Variants in AJAP1 observed in about 807,000 individuals in gnomAD.
AJAP1 encodes adherens junction-associated protein 1.
Under a neutral mutation model 35.0 loss-of-function variants are expected in AJAP1, and 5 were observed. The observed-to-expected ratio is 0.14, with a 90% CI of 0.07 to 0.30. The LOEUF (loss-of-function observed/expected upper bound fraction) is 0.30, where lower values mean the gene tolerates loss of function less well. Ranked by LOEUF, AJAP1 falls within the 10% of genes least tolerant of loss-of-function variation. The pLI is 1.00. For missense variants in AJAP1, 586 were observed against 571.0 expected, an observed-to-expected ratio of 1.03 and a Z score of -0.27; for synonymous variants, 284 against 249.3, an observed-to-expected ratio of 1.14 and a Z score of -1.31.
chr1:4,724,824 G>A (rs3820253), intron 2 of AJAP1, among the ~76,000 whole-genome samples: 15,045 of 152,256 alleles, frequency 0.099, 1,329 homozygotes, highest in East Asian at 0.49. Flanking sequence ...TGCAGATCTT[G>A]CAATCTTTAG....
chr1:4,745,299 T>C (rs1288624339), intron 2 of AJAP1, among the ~76,000 whole-genome samples: 5 of 151,144 alleles, frequency 3.3e-5, no homozygotes, highest in African/African-American at 1.2e-4. Context: ...CTGTTGTGGG[T>C]ATGTGTGTCG....
intron 2 of AJAP1, among the ~76,000 whole-genome samples, chr1:4,740,616 T>C (rs977669765): frequency 1.3e-5 from 2 of 151,406 alleles, no homozygotes; most frequent in Admixed American, 6.6e-5. Flanking sequence ...AAACCCCGTC[T>C]CTACTAAAAA....
At chr1:4,714,758 G>A (rs1362518043) in intron 2 of AJAP1, among the ~76,000 whole-genome samples, 1 of 152,210 alleles carries the variant, frequency 6.6e-6, no homozygotes, top group Non-Finnish European at 1.5e-5. Flanking sequence ...GGGCCACAGG[G>A]AAGGGAACAG....
chr1:4,716,710 AGAT>A (rs201609024), intron 2 of AJAP1, among the ~76,000 whole-genome samples: 3,407 of 142,628 alleles, frequency 0.024, 124 homozygotes, highest in African/African-American at 0.089. Flanking sequence ...GGTGATAGAG[AGAT>A]GATGATGATG....
intron 2 of AJAP1, among the ~76,000 whole-genome samples, chr1:4,724,078 C>A (rs997949945): frequency 5.3e-5 from 8 of 152,198 alleles, no homozygotes; most frequent in Non-Finnish European, 8.8e-5. Context: ...GGAATGAAAT[C>A]CCATGGGTAC....
chr1:4,660,347 T>C (rs774999078), intron 1 of AJAP1, among the ~76,000 whole-genome samples: 6 of 152,088 alleles, frequency 3.9e-5, no homozygotes, highest in Non-Finnish European at 7.4e-5. Context: ...AAAGAGGGTG[T>C]GGTTACAAAA....
intron 2 of AJAP1, among the ~76,000 whole-genome samples, chr1:4,768,790 T>G (rs574845243): frequency 6.6e-6 from 1 of 152,302 alleles, no homozygotes; most frequent in East Asian, 1.9e-4. Flanking sequence ...AAAGTGGACC[T>G]TCCGAGTAGC....
At chr1:4,755,020 G>A (rs955815430) in intron 2 of AJAP1, among the ~76,000 whole-genome samples, 2 of 152,172 alleles carry the variant, frequency 1.3e-5, no homozygotes, top group Non-Finnish European at 2.9e-5. Flanking sequence ...CTGCCTTGGA[G>A]CCAGGTGGTA....
In AJAP1 at chr1:4,655,848, G is replaced by C. The variant is rs1157651367; in HGVS notation, c.29+394G>C. Among the ~76,000 whole-genome samples, 1 of 150,628 alleles carries C rather than the reference G, an allele frequency of 6.6e-6. No homozygotes were observed. The highest frequency in any genetic ancestry group is 2.4e-5 in the African/African-American group (1 of 41,254). On this transcript the variant is annotated intron_variant, in intron 1 of 5. Transcript: ENST00000378191. The surrounding 1 kb of genome is among the most constrained non-coding windows in gnomAD (Gnocchi z 6.9). ...GGGCGCGGCGGGCGCGGGGGCCGGG[G>C]CTGCCGGGGAAAGCTAAAGCTCCGG... is the stretch of plus-strand genomic sequence containing the variant.
chr1:4,729,911 G>A (rs1234881319), intron 2 of AJAP1, among the ~76,000 whole-genome samples: 1 of 152,156 alleles, frequency 6.6e-6, no homozygotes, highest in Non-Finnish European at 1.5e-5. Flanking sequence ...TCATTCTCAG[G>A]CACTTGCGTG....
In AJAP1 at chr1:4,720,741, G is replaced by A. The variant is rs756805978; in HGVS notation, c.829+8042G>A. ...CTGCCAGGGTAATCGAATGGTGTTT[G>A]TGGTGGGAAAATGCCATTTGCTTTC... On this transcript the variant is annotated intron_variant, in intron 2 of 5. Transcript: ENST00000378191. The surrounding 1 kb of genome is among the most constrained non-coding windows in gnomAD (Gnocchi z 4.4). Among the ~76,000 whole-genome samples the A allele has an allele frequency of 6.6e-6, 1 of 152,216 alleles. No homozygotes were observed. Among genetic ancestry groups the A allele is most frequent in the Non-Finnish European group, 1.5e-5 (1 of 68,034 alleles).
At chr1:4,701,496 T>A (rs1639989070) in intron 1 of AJAP1, among the ~76,000 whole-genome samples, 1 of 152,148 alleles carries the variant, frequency 6.6e-6, no homozygotes, top group Non-Finnish European at 1.5e-5. Context: ...AGACCATCGT[T>A]CCTCCCTTAC....
intron 1 of AJAP1, among the ~76,000 whole-genome samples, chr1:4,666,305 T>C (rs1044126974): frequency 2.6e-5 from 4 of 152,040 alleles, no homozygotes; most frequent in Non-Finnish European, 4.4e-5. Flanking sequence ...AGGAGTTGGG[T>C]CTGTGAAGCT....
At chr1:4,725,348 T>G (rs1446740387) in intron 2 of AJAP1, among the ~76,000 whole-genome samples, 5 of 152,124 alleles carry the variant, frequency 3.3e-5, no homozygotes, top group Non-Finnish European at 5.9e-5. Flanking sequence ...CTGGGATACT[T>G]GGTGTAGAAT....
At chr1:4,736,163 C>G (rs383650) in intron 2 of AJAP1, among the ~76,000 whole-genome samples, 94,857 of 152,210 alleles carry the variant, frequency 0.62, 32,495 homozygotes, top group Non-Finnish European at 0.78. Context: ...GCAGAGGTGT[C>G]CCTGAGACCG....
At position 4,688,738 on chromosome 1, in the gene AJAP1, C is replaced by T. The variant is rs576211054; in HGVS notation, c.30-23162C>T. On this transcript the variant is annotated intron_variant, in intron 1 of 5. Coordinates refer to ENST00000378191, the MANE Select transcript of AJAP1 (RefSeq NM_018836.4). ...CGTGAGCTGAGATCGTGCCACTGCA[C>T]TCCAGCCTAGGTGACAGAGTGAGAC... 3.4e-5 allele frequency among the ~76,000 whole-genome samples: 5 copies of T among 146,286 alleles called. No individual in the cohort carries two copies. In the East Asian group the frequency reaches 6.2e-4, roughly 18 times the overall value.
chr1:4,751,729 T>C (rs1397216001), intron 2 of AJAP1, among the ~76,000 whole-genome samples: 1 of 152,222 alleles, frequency 6.6e-6, no homozygotes, highest in Non-Finnish European at 1.5e-5. Flanking sequence ...GATGGCAGTT[T>C]GTCCAGGAAT....
intron 2 of AJAP1, among the ~76,000 whole-genome samples, chr1:4,733,422 C>T (rs1322228698): frequency 2.1e-5 from 3 of 145,160 alleles, no homozygotes; most frequent in Non-Finnish European, 4.5e-5. Flanking sequence ...ACCTGTTCAA[C>T]CATTCATTCA....
intron 1 of AJAP1, among the ~76,000 whole-genome samples, chr1:4,672,306 G>A (rs936852557): frequency 6.6e-6 from 1 of 152,128 alleles, no homozygotes; most frequent in Non-Finnish European, 1.5e-5. Context: ...CAACCATTCC[G>A]CTAGGAGCCC....
Sources: gnomAD v4.1 joint callset for allele counts (sites outside exome capture counted in the v4.1 genomes callset) on GRCh38, gnomAD v4.1.1 for gene constraint, Gnocchi (gnomAD v3.1) non-coding constraint, MANE v1.5 for transcripts, NCBI Gene and HGNC (gene_info 2026-07-23, HGNC 2026-07-21) for gene names.